The following GRM7 variants were observed in gnomAD, a reference collection of about 807,000 sequenced individuals.
GRM7 encodes the protein glutamate metabotropic receptor 7.
A neutral mutation model predicts 84.5 loss-of-function variants in GRM7; 35 were observed. The observed-to-expected ratio is 0.41, with a 90% CI of 0.32 to 0.55. GRM7 has a LOEUF of 0.55. Among genes scored for constraint, GRM7 ranks in the 20% least tolerant of loss-of-function variants. The pLI is 0.19. For synonymous variants in GRM7, 487 were observed against 455.1 expected, an observed-to-expected ratio of 1.07 and a Z score of -0.89; for missense variants, 1,003 against 1,194.6, an observed-to-expected ratio of 0.84 and a Z score of 2.36.
chr3:7,028,054 A>G (rs933454786), intron 1 of GRM7, among the ~76,000 whole-genome samples: 3 of 152,152 alleles, frequency 2.0e-5, no homozygotes, highest in African/African-American at 7.2e-5. Flanking sequence ...CTACTTAGGT[A>G]TTTGACTACC....
intron 1 of GRM7, among the ~76,000 whole-genome samples, chr3:6,875,038 G>T (rs543949261): frequency 6.6e-6 from 1 of 152,196 alleles, no homozygotes; most frequent in South Asian, 2.1e-4. Context: ...ATCCTCTATA[G>T]CATCTAACTC....
At chr3:7,165,636 C>A (rs1011567426) in intron 2 of GRM7, among the ~76,000 whole-genome samples, 10 of 152,254 alleles carry the variant, frequency 6.6e-5, no homozygotes, top group African/African-American at 2.4e-4. Flanking sequence ...TACAGCTAAT[C>A]AAAATACTAG....
At chr3:7,399,434 A>T (rs1453774010) in intron 4 of GRM7, among the ~76,000 whole-genome samples, 1 of 152,190 alleles carries the variant, frequency 6.6e-6, no homozygotes, top group Admixed American at 6.5e-5. Context: ...TCTGGAGCCA[A>T]AGATCTGAAT....
intron 2 of GRM7, among the ~76,000 whole-genome samples, chr3:7,239,723 C>T (rs975553303): frequency 6.6e-6 from 1 of 152,146 alleles, no homozygotes; most frequent in African/African-American, 2.4e-5. Flanking sequence ...CTCAAACATT[C>T]TGTTTGATTA....
chr3:7,301,032 T>C (rs1316179018), intron 3 of GRM7, among the ~76,000 whole-genome samples: 4 of 152,200 alleles, frequency 2.6e-5, no homozygotes, highest in Non-Finnish European at 5.9e-5. Context: ...AACTTCCTGG[T>C]GATTCAATAT....
chr3:7,056,325 T>A (rs1036667110), intron 1 of GRM7, among the ~76,000 whole-genome samples: 52 of 151,898 alleles, frequency 3.4e-4, no homozygotes, highest in African/African-American at 1.2e-3. Context: ...TGCCTGGGAG[T>A]ATCCATGGCC....
intron 1 of GRM7, among the ~76,000 whole-genome samples, chr3:6,871,322 G>C (rs1407188070): frequency 6.6e-6 from 1 of 151,898 alleles, no homozygotes; most frequent in Non-Finnish European, 1.5e-5. Flanking sequence ...CTTAGTTAAT[G>C]CAATAATATA....
At chr3:6,905,846 A>G (rs1696555334) in intron 1 of GRM7, among the ~76,000 whole-genome samples, 2 of 152,150 alleles carry the variant, frequency 1.3e-5, no homozygotes, top group Non-Finnish European at 2.9e-5. Context: ...CTTATCCCCT[A>G]TATCTAATGA....
At chr3:7,033,295 A>G (rs1188795686) in intron 1 of GRM7, among the ~76,000 whole-genome samples, 1 of 152,150 alleles carries the variant, frequency 6.6e-6, no homozygotes, top group Non-Finnish European at 1.5e-5. Flanking sequence ...CCAATTTTCA[A>G]ATAAGGTCAC....
At chr3:7,097,687 G>C (rs989834904) in intron 1 of GRM7, among the ~76,000 whole-genome samples, 1 of 152,036 alleles carries the variant, frequency 6.6e-6, no homozygotes, top group African/African-American at 2.4e-5. Flanking sequence ...GTACAAGTTT[G>C]GTCTATATAC....
chr3:7,708,269 G>T (rs1220246044), intron 9 of GRM7, among the ~76,000 whole-genome samples: 1 of 151,066 alleles, frequency 6.6e-6, no homozygotes, highest in Non-Finnish European at 1.5e-5. Context: ...GTAAAGCCTA[G>T]TTTCCTTAAA....
Position 6,884,567 on chromosome 3 carries a change from T to C in GRM7, c.519+22660T>C, listed in dbSNP as rs185847824. On this transcript the variant is annotated intron_variant, in intron 1 of 9. Transcript: ENST00000357716. ...ACCTAGCTGTGTAGTCTTGGGCAAG[T>C]CACTACACTGTCTTGGACACAATTT... Among the ~76,000 whole-genome samples, 388 of 151,852 alleles carry C rather than the reference T, an allele frequency of 2.6e-3. 2 individuals are homozygous for C. Among genetic ancestry groups the C allele is most frequent in the African/African-American group, 8.8e-3 (366 of 41,376 alleles).
intron 8 of GRM7, among the ~76,000 whole-genome samples, chr3:7,650,504 G>T (rs1671195568): frequency 6.6e-6 from 1 of 152,028 alleles, no homozygotes; most frequent in South Asian, 2.1e-4. Flanking sequence ...TGGTTCAAAA[G>T]GTAAAAAAAG....
chr3:7,215,643 C>T (rs903782500), intron 2 of GRM7, among the ~76,000 whole-genome samples: 6 of 150,816 alleles, frequency 4.0e-5, no homozygotes, highest in East Asian at 3.9e-4. Context: ...CCAGCCTGGG[C>T]GACAGAGCGA....
intron 7 of GRM7, among the ~76,000 whole-genome samples, chr3:7,532,803 C>CAA (rs36040168): frequency 0.1 from 7,201 of 70,586 alleles, 700 homozygotes; most frequent in Admixed American, 0.11. Context: ...AAAGGGAAAG[C>CAA]AAAAAAAAAA....
At chr3:7,142,373 G>A (rs879193936) in intron 1 of GRM7, among the ~76,000 whole-genome samples, 1 of 152,094 alleles carries the variant, frequency 6.6e-6, no homozygotes, top group Non-Finnish European at 1.5e-5. Context: ...AGTTCAGCAT[G>A]GCTGGGGAGG....
At chr3:7,487,733 G>A (rs1320286023) in intron 7 of GRM7, among the ~76,000 whole-genome samples, 1 of 152,206 alleles carries the variant, frequency 6.6e-6, no homozygotes, top group East Asian at 1.9e-4. Context: ...CCGGAAGACT[G>A]GGGGCCCAGG....
At chr3:7,456,923 A>C (rs1409691234) in intron 6 of GRM7, among the ~76,000 whole-genome samples, 1 of 152,120 alleles carries the variant, frequency 6.6e-6, no homozygotes, top group Admixed American at 6.5e-5. Flanking sequence ...GGGGAAAAAA[A>C]CTTGACATGT....
chr3:7,546,023 A>G (rs1693128378), intron 7 of GRM7, among the ~76,000 whole-genome samples: 2 of 152,198 alleles, frequency 1.3e-5, no homozygotes, highest in Admixed American at 1.3e-4. Flanking sequence ...TGCCTGGTTC[A>G]TTATTTATCA....
Sources: gnomAD v4.1 joint callset for allele counts (sites outside exome capture counted in the v4.1 genomes callset) on GRCh38, gnomAD v4.1.1 for gene constraint, MANE v1.5 for transcripts, NCBI Gene and HGNC (gene_info 2026-07-23, HGNC 2026-07-21) for gene names.